DLGAP2: variants seen among roughly 807,000 people sequenced by gnomAD.
The protein encoded by DLGAP2 is disks large-associated protein 2.
DLGAP2 carries 26 observed loss-of-function variants against 100.3 expected under a neutral mutation model. That is an observed-to-expected ratio of 0.26 (90% CI 0.19 to 0.36). DLGAP2 has a LOEUF of 0.36. Ranked by LOEUF, DLGAP2 falls within the 10% of genes least tolerant of loss-of-function variation. DLGAP2 has a pLI of 1.00. For missense variants in DLGAP2, 1,858 were observed against 1,453.2 expected (o/e 1.28, Z -4.53); for synonymous variants, 886 against 630.1 (o/e 1.41, Z -6.08).
intron 1 of DLGAP2, among the ~76,000 whole-genome samples, chr8:838,011 G>A (rs1384589141): frequency 6.6e-6 from 1 of 151,752 alleles, no homozygotes; most frequent in Non-Finnish European, 1.5e-5. Flanking sequence ...ACAGGCGTGA[G>A]CCACTGTGCC....
At chr8:1,415,507 T>G (rs1796857895) in intron 3 of DLGAP2, among the ~76,000 whole-genome samples, 2 of 152,138 alleles carry the variant, frequency 1.3e-5, no homozygotes, top group Non-Finnish European at 2.9e-5. Context: ...GTTCGCACCT[T>G]TATGTCCACG....
At chr8:1,525,064 AGAAGTGCTGAGTGT>A (rs1800746767) in intron 4 of DLGAP2, among the ~76,000 whole-genome samples, 1 of 152,004 alleles carries the variant, frequency 6.6e-6, no homozygotes, top group Non-Finnish European at 1.5e-5. Context: ...CTTTCTGTTC[AGAAGTGCTGAGTGT>A]GCTCAAATTC....
chr8:1,243,669 T>C (rs1191559989), intron 2 of DLGAP2, among the ~76,000 whole-genome samples: 1 of 152,138 alleles, frequency 6.6e-6, no homozygotes, highest in Non-Finnish European at 1.5e-5. Flanking sequence ...CCATACTCGG[T>C]GGGGCTGGAG....
At chr8:1,587,202 C>A (rs569570886) in intron 6 of DLGAP2, among the ~76,000 whole-genome samples, 1 of 152,332 alleles carries the variant, frequency 6.6e-6, no homozygotes, top group East Asian at 1.9e-4. Context: ...TTGCAGAAAT[C>A]CATTGCCCGT....
intron 3 of DLGAP2, among the ~76,000 whole-genome samples, chr8:1,331,282 C>G (rs1801152340): frequency 6.6e-6 from 1 of 152,298 alleles, no homozygotes; most frequent in East Asian, 1.9e-4. Flanking sequence ...GTCCTGGAAG[C>G]CACAGTGTCT....
chr8:1,133,214 T>C (rs1796334673), intron 2 of DLGAP2, among the ~76,000 whole-genome samples: 1 of 152,220 alleles, frequency 6.6e-6, no homozygotes, highest in South Asian at 2.1e-4. Flanking sequence ...GCCAGATACC[T>C]GGCATTTTTC....
At chr8:1,451,542 C>T (rs775892286) in intron 3 of DLGAP2, among the ~76,000 whole-genome samples, 2 of 152,138 alleles carry the variant, frequency 1.3e-5, no homozygotes, top group Non-Finnish European at 2.9e-5. Context: ...AATCCTTCCC[C>T]ACCTCAGCAT....
intron 1 of DLGAP2, among the ~76,000 whole-genome samples, chr8:891,806 T>C (rs1338030876): frequency 2.6e-5 from 4 of 152,026 alleles, no homozygotes; most frequent in African/African-American, 9.6e-5. Context: ...GGAGAGATTC[T>C]CACTGCCTGG....
At chr8:1,382,542 C>A (rs188539337) in intron 3 of DLGAP2, among the ~76,000 whole-genome samples, 94 of 152,282 alleles carry the variant, frequency 6.2e-4, no homozygotes, top group African/African-American at 2.2e-3. Flanking sequence ...TTGAGACCAA[C>A]CTGGGCAACA....
intron 1 of DLGAP2, among the ~76,000 whole-genome samples, chr8:831,942 G>C (rs180919336): frequency 1.3e-5 from 2 of 152,232 alleles, no homozygotes; most frequent in African/African-American, 2.4e-5. Flanking sequence ...TTGTGATTTT[G>C]ATTTGCAGTT....
At chr8:1,348,616 G>A (rs1194867273) in intron 3 of DLGAP2, among the ~76,000 whole-genome samples, 28 of 152,246 alleles carry the variant, frequency 1.8e-4, no homozygotes, top group Non-Finnish European at 3.5e-4. Context: ...CATGGTAGCT[G>A]TGTGGAGGTT....
chr8:1,166,347 C>T (rs538605705), intron 2 of DLGAP2, among the ~76,000 whole-genome samples: 4 of 152,170 alleles, frequency 2.6e-5, no homozygotes, highest in South Asian at 2.1e-4. Context: ...CATTCAGGAC[C>T]GACATCTCCT....
intron 2 of DLGAP2, among the ~76,000 whole-genome samples, chr8:1,245,452 G>A (rs953299548): frequency 1.7e-4 from 26 of 152,294 alleles, no homozygotes; most frequent in Middle Eastern, 3.4e-3. Context: ...TGACACAGAC[G>A]AACCTCAGAA....
At chr8:1,595,035 C>CA (rs1350188104) in intron 6 of DLGAP2, among the ~76,000 whole-genome samples, 2 of 150,792 alleles carry the variant, frequency 1.3e-5, no homozygotes, top group East Asian at 3.9e-4. Context: ...CCTGGGGTTT[C>CA]TTTTTTTTTC....
At chr8:1,467,072 C>T (rs1379314733) in intron 3 of DLGAP2, among the ~76,000 whole-genome samples, 1 of 152,028 alleles carries the variant, frequency 6.6e-6, no homozygotes, top group Non-Finnish European at 1.5e-5. Context: ...GATGCCCGGC[C>T]CCGGGACCAG....
At chr8:779,186 G>T (rs893750328) in intron 1 of DLGAP2, among the ~76,000 whole-genome samples, 6 of 152,212 alleles carry the variant, frequency 3.9e-5, no homozygotes, top group South Asian at 2.1e-4. Flanking sequence ...GCAATGCCTC[G>T]CCCTGCTTCG....
chr8:1,118,347 G>C (rs1795946837), intron 2 of DLGAP2, among the ~76,000 whole-genome samples: 1 of 152,188 alleles, frequency 6.6e-6, no homozygotes, highest in Non-Finnish European at 1.5e-5. Flanking sequence ...TTTCGAAACT[G>C]CATTACATTG....
intron 1 of DLGAP2, among the ~76,000 whole-genome samples, chr8:811,196 A>C (rs1563044015): frequency 6.6e-6 from 1 of 152,242 alleles, no homozygotes; most frequent in East Asian, 1.9e-4. Context: ...AAGTCTGTGA[A>C]ACCGGAGAAG....
intron 2 of DLGAP2, among the ~76,000 whole-genome samples, chr8:1,134,230 C>T (rs1454310102): frequency 6.6e-6 from 1 of 152,180 alleles, no homozygotes; most frequent in Non-Finnish European, 1.5e-5. Context: ...TTTCTTAATC[C>T]AGTCTACCAT....
Sources: allele counts gnomAD v4.1 joint callset (sites outside exome capture counted in the v4.1 genomes callset), GRCh38; gene constraint gnomAD v4.1.1; transcripts MANE v1.5; gene names NCBI Gene and HGNC (gene_info 2026-07-23, HGNC 2026-07-21).